Variants in PCLO observed in about 807,000 individuals in gnomAD.
PCLO encodes the protein protein piccolo.
A neutral mutation model predicts 427.5 loss-of-function variants in PCLO; 82 were observed. That is an observed-to-expected ratio of 0.19 (90% CI 0.16 to 0.23). The LOEUF (loss-of-function observed/expected upper bound fraction) is 0.23. Ranked by LOEUF, PCLO falls within the 10% of genes least tolerant of loss-of-function variation. PCLO has a pLI of 1.00. For missense variants in PCLO, 6,239 were observed against 6,115.9 expected, an observed-to-expected ratio of 1.02 and a Z score of -0.67; for synonymous variants, 2,357 against 2,155.4, an observed-to-expected ratio of 1.09 and a Z score of -2.59.
At chr7:83,158,648 C>T (rs1280988942) in intron 1 of PCLO, among the ~76,000 whole-genome samples, 1 of 151,940 alleles carries the variant, frequency 6.6e-6, no homozygotes, top group African/African-American at 2.4e-5. Context: ...AAATAAACTT[C>T]ATGAATGTCA....
rs559589236 is a variant in PCLO at position 83,095,862 on chromosome 7, T to C, written c.3300+38388A>G. On this transcript the variant is annotated intron_variant, in intron 3 of 24. Coordinates refer to ENST00000333891, the MANE Select transcript of PCLO (RefSeq NM_033026.6). ...ATGTATGATATGTTATTTCTTAGAA[T>C]ACATTCCCTTGCCGCTTGAAAACTA... 5.3e-5 allele frequency among the ~76,000 whole-genome samples: 8 copies of C among 152,150 alleles called. No homozygotes were observed. In the South Asian group the frequency reaches 1.7e-3, roughly 32 times the overall value.
Position 83,109,389 on chromosome 7 carries a change from T to A in PCLO, c.3300+24861A>T, listed in dbSNP as rs915263928. ...GAAGTGATATGTTCCCCACTCTTCATTGCCACTTTTCAACCACTGTTCATC... is the reference window on the plus strand; with the variant it reads ...GAAGTGATATGTTCCCCACTCTTCAATGCCACTTTTCAACCACTGTTCATC... On this transcript the variant is annotated intron_variant, in intron 3 of 24. Coordinates refer to ENST00000333891, the MANE Select transcript of PCLO (RefSeq NM_033026.6). Among the ~76,000 whole-genome samples, 16 of 152,162 alleles carry A rather than the reference T, an allele frequency of 1.1e-4. 1 individual carries two copies. Among genetic ancestry groups the A allele is most frequent in the African/African-American group, 3.6e-4 (15 of 41,440 alleles).
rs1795369257 is a variant in PCLO at position 82,952,176 on chromosome 7, T to TCAC, written c.8776_8777insGTG (p.Glu2925_Asp2926insGly). 9.9e-6 allele frequency: 16 copies of TCAC among 1,612,008 alleles called. No individual in the cohort carries two copies. Among genetic ancestry groups the TCAC allele is most frequent in the East Asian group, 2.2e-5 (1 of 44,808 alleles). ...TGCGGTTAAATCAACGGGTTTTTCATCTTCTATTATTTTGGTCATCACACT... is the reference window on the plus strand; with the variant it reads ...TGCGGTTAAATCAACGGGTTTTTCATCACCTTCTATTATTTTGGTCATCACACT... On this transcript the variant is annotated inframe_insertion, in exon 5 of 25. Transcript: ENST00000333891.
At chr7:83,158,743 G>C (rs1361631311) in intron 1 of PCLO, among the ~76,000 whole-genome samples, 1 of 151,942 alleles carries the variant, frequency 6.6e-6, no homozygotes, top group Non-Finnish European at 1.5e-5. Flanking sequence ...ACAAATATAA[G>C]TTGTACTTTA....
At chr7:82,802,181 A>G (rs1791367967) in intron 21 of PCLO, among the ~76,000 whole-genome samples, 1 of 151,858 alleles carries the variant, frequency 6.6e-6, no homozygotes, top group Admixed American at 6.6e-5. Context: ...GCTATGGGTA[A>G]TGTAAGGCAA....
chr7:83,146,458 G>T (rs1562990445), intron 2 of PCLO, among the ~76,000 whole-genome samples: 1 of 152,058 alleles, frequency 6.6e-6, no homozygotes. Context: ...CTAAGATTAA[G>T]ATACCAAGAG....
Position 83,155,904 on chromosome 7 carries a change from T to C in PCLO, c.737A>G (p.Lys246Arg), listed in dbSNP as rs1293179477. 6.2e-7 allele frequency: 1 copy of C among 1,613,892 alleles called. No homozygotes were observed. Among genetic ancestry groups the C allele is most frequent in the South Asian group, 1.1e-5 (1 of 91,074 alleles). The part of the protein sequence containing the change: ...PKSISSQQPE[K>R]IKSQPPGTGK... ...TGTACCTGGAGGTTGTGATTTAATT[T>C]TTTCTGGTTGTTGAGAAGATATTGA... Residue 246 changes from lysine to arginine, a missense_variant, in exon 2 of 25, where the codon AAA (lysine) becomes AGA (arginine). Transcript: ENST00000333891.
intron 3 of PCLO, among the ~76,000 whole-genome samples, chr7:83,037,647 T>A (rs76458082): frequency 9.9e-5 from 15 of 151,572 alleles, no homozygotes; most frequent in African/African-American, 3.4e-4. Context: ...ACTTTTTTTT[T>A]ATAGTAAATA....
At chr7:82,859,574 T>G (rs1321275310) in intron 10 of PCLO, among the ~76,000 whole-genome samples, 1 of 152,120 alleles carries the variant, frequency 6.6e-6, no homozygotes, top group Admixed American at 6.6e-5. Context: ...AAAGCAGACA[T>G]AGCTTAGACC....
chr7:82,978,472 C>T (rs762979082), intron 3 of PCLO, among the ~76,000 whole-genome samples: 4 of 151,918 alleles, frequency 2.6e-5, no homozygotes, highest in Admixed American at 6.6e-5. Context: ...TGTTTAAATC[C>T]ATTCATAAGA....
chr7:83,161,539 A>G (rs1013084644), intron 1 of PCLO, among the ~76,000 whole-genome samples: 1 of 152,224 alleles, frequency 6.6e-6, no homozygotes, highest in Non-Finnish European at 1.5e-5. Context: ...GAAAACATTC[A>G]TATTACTGAT....
chr7:83,057,342 ATATATATTTTTTTTTTTTTT>A (rs1789417086), intron 3 of PCLO, among the ~76,000 whole-genome samples: 1 of 23,656 alleles, frequency 4.2e-5, no homozygotes, highest in African/African-American at 1.8e-4. Context: ...ATATATATAT[ATATATATTTTTTTTTTTTTT>A]TTTTTTTTTT....
At chr7:82,970,985 G>GT (rs1372771480) in intron 3 of PCLO, among the ~76,000 whole-genome samples, 4 of 151,688 alleles carry the variant, frequency 2.6e-5, no homozygotes, top group African/African-American at 9.7e-5. Context: ...CTAAACATCT[G>GT]TAGGTCACAA....
intron 3 of PCLO, among the ~76,000 whole-genome samples, chr7:83,063,758 C>T (rs940071288): frequency 6.6e-6 from 1 of 151,998 alleles, no homozygotes; most frequent in Non-Finnish European, 1.5e-5. Flanking sequence ...GAAATGCCAC[C>T]ATTCTGTATC....
chr7:82,844,424 C>T (rs547617567), intron 13 of PCLO, among the ~76,000 whole-genome samples: 1 of 152,240 alleles, frequency 6.6e-6, no homozygotes, highest in East Asian at 1.9e-4. Context: ...TTGTTTGCTT[C>T]TGAATAAAAG....
At chr7:82,934,740 A>G (rs1206158869) in intron 6 of PCLO, among the ~76,000 whole-genome samples, 2 of 151,608 alleles carry the variant, frequency 1.3e-5, no homozygotes, top group Non-Finnish European at 1.5e-5. Flanking sequence ...TCTTTGCTCT[A>G]AGAGAAACAG....
At chr7:82,781,638 T>C (rs1790875622) in intron 22 of PCLO, among the ~76,000 whole-genome samples, 1 of 152,216 alleles carries the variant, frequency 6.6e-6, no homozygotes, top group Non-Finnish European at 1.5e-5. Flanking sequence ...TGTTACAATG[T>C]TGGGTGTGTG....
chr7:83,073,237 G>A (rs1789863877), intron 3 of PCLO, among the ~76,000 whole-genome samples: 1 of 151,856 alleles, frequency 6.6e-6, no homozygotes, highest in Admixed American at 6.6e-5. Context: ...CCAAACTTTT[G>A]AATATCTCAT....
chr7:82,944,579 C>G (rs962369462), intron 6 of PCLO, among the ~76,000 whole-genome samples: 2 of 151,934 alleles, frequency 1.3e-5, no homozygotes, highest in Non-Finnish European at 2.9e-5. Flanking sequence ...CCTCATGACT[C>G]AAAAAAATAA....
Sources: allele counts gnomAD v4.1 joint callset (sites outside exome capture counted in the v4.1 genomes callset), GRCh38; gene constraint gnomAD v4.1.1; transcripts MANE v1.5; gene names NCBI Gene and HGNC (gene_info 2026-07-23, HGNC 2026-07-21).